The following POGLUT2 variants were observed in gnomAD, a reference collection of about 807,000 sequenced individuals.
POGLUT2 encodes the protein ER protein 58.
In POGLUT2, 47 loss-of-function variants were observed where a neutral mutation model predicts 57.6. That is an observed-to-expected ratio of 0.82 (90% CI 0.65 to 1.04). The LOEUF is 1.04. POGLUT2 is among the 50% of genes least tolerant of loss of function. The pLI is 0.00. For missense variants in POGLUT2, 565 were observed against 614.8 expected (o/e 0.92, Z 0.86); for synonymous variants, 200 against 218.8 (o/e 0.91, Z 0.76).
intron 3 of POGLUT2, 27 bp downstream of exon 3, chr13:102,793,568 TAAAACA>T: frequency 6.3e-7 from 1 of 1,578,522 alleles, no homozygotes. Context: ...AAAAAATCAC[TAAAACA>T]AACAAGCAAA....
rs1429339959 is a variant in POGLUT2, at chr13:102,793,482, AG to A, written c.595-65del. On this transcript the variant is annotated intron_variant, in intron 3 of 9. Coordinates refer to ENST00000376004, the MANE Select transcript of POGLUT2 (RefSeq NM_024089.3). ...ACGCTGGCAGACTTCACTGAGGAAA[AG>A]CTTGTCACAGTGCTCATTCGAATGA... 6.9e-6 allele frequency: 9 copies of A among 1,298,112 alleles called. No homozygotes were observed. The African/African-American group carries it at 1.0e-4, about 15-fold the overall frequency. 80.4% of individuals were successfully genotyped at this position (1,298,112 alleles called of 1,614,324 possible).
Position 102,789,229 on chromosome 13 carries a change from A to G in POGLUT2, c.1084-8T>C. The G allele has an allele frequency of 2.5e-6, 4 of 1,609,842 alleles. No homozygotes were observed. Among genetic ancestry groups the G allele is most frequent in the Non-Finnish European group, 3.4e-6 (4 of 1,176,146 alleles). On this transcript the variant is annotated splice_region_variant and splice_polypyrimidine_tract_variant and intron_variant, in intron 6 of 9. Transcript: ENST00000376004. ...ATTTATTTGATACTTATGCTGCAAA[A>G]CAATGGTAAAGTCTAAGAACCTCTA...
intron 9 of POGLUT2, among the ~76,000 whole-genome samples, chr13:102,785,909 G>C (rs1438850438): frequency 6.6e-6 from 1 of 152,200 alleles, no homozygotes; most frequent in Non-Finnish European, 1.5e-5. Flanking sequence ...GAGGAGATGA[G>C]GGCATCAGAT....
Position 102,790,900 on chromosome 13 carries a change from C to T in POGLUT2, c.1083+1G>A. 3 of 1,558,976 alleles carry T rather than the reference C, an allele frequency of 1.9e-6. No individual in the cohort carries two copies. The highest frequency in any genetic ancestry group is 2.7e-6 in the Non-Finnish European group (3 of 1,129,906). On this transcript the variant is annotated splice_donor_variant, in intron 6 of 9. Transcript: ENST00000376004. LOFTEE classifies it high-confidence loss of function. ...AAGATTAGCTACTGATTAAGTCATACCTTGAAGAAATCAAAAAATGAAATA... is the reference window on the plus strand; with the variant it reads ...AAGATTAGCTACTGATTAAGTCATATCTTGAAGAAATCAAAAAATGAAATA...
chr13:102,796,301 A>T (rs1362867466), intron 2 of POGLUT2, among the ~76,000 whole-genome samples: 25 of 140,162 alleles, frequency 1.8e-4, no homozygotes, highest in African/African-American at 5.0e-4. Flanking sequence ...CTCAAAAAAA[A>T]AAAAAAAAAA....
At chr13:102,791,713 T>A (rs1170016719) in intron 4 of POGLUT2, among the ~76,000 whole-genome samples, 1 of 152,082 alleles carries the variant, frequency 6.6e-6, no homozygotes, top group Admixed American at 6.6e-5. Context: ...TATTGGAAAA[T>A]AATTTAAAAA....
Position 102,786,245 on chromosome 13 carries a change from C to T in POGLUT2, c.1478G>A (p.Cys493Tyr). The T allele has an allele frequency of 1.2e-6, 2 of 1,610,640 alleles. No individual in the cohort carries two copies. The highest frequency in any genetic ancestry group is 1.7e-6 in the Non-Finnish European group (2 of 1,176,880). The change falls in exon 9 of 10, where the codon TGC becomes TAC. Residue 493 changes from cysteine to tyrosine, a missense_variant. Cys to Tyr is a radical substitution (Grantham distance 194). Coordinates refer to ENST00000376004, the MANE Select transcript of POGLUT2 (RefSeq NM_024089.3). ...QTEDDLFPCT[C>Y]HRKKTKDEL ...AGTTCTGGTTACCTTTTTCCTATGG[C>T]AAGTACAAGGGAAGAGGTCGTCCTC... is the stretch of plus-strand genomic sequence containing the variant.
chr13:102,784,674 A>C (rs556095791), intron 9 of POGLUT2, among the ~76,000 whole-genome samples, 162 bp from the exon 10 acceptor site: 1 of 152,338 alleles, frequency 6.6e-6, no homozygotes, highest in South Asian at 2.1e-4. Context: ...GAGTCAGCTA[A>C]GGGTAAAATC....
In POGLUT2 at chr13:102,798,929, T is replaced by C. The variant is rs1878566385; in HGVS notation, c.-259A>G. 6.7e-6 allele frequency: 3 copies of C among 450,186 alleles called. No individual in the cohort carries two copies. The South Asian group carries it at 1.5e-4, about 23-fold the overall frequency. The allele number at this position is 450,186 out of a possible 1,614,324, so 27.9% of individuals were successfully genotyped here. A position where few individuals can be genotyped will look rare whatever the true frequency, so the allele number is the denominator to read the frequency against. On this transcript the variant is annotated 5_prime_UTR_variant, in exon 1 of 10. Coordinates refer to ENST00000376004, the MANE Select transcript of POGLUT2 (RefSeq NM_024089.3). Reference sequence around the variant, plus strand: ...CCGAGAACCGCGCTGCTCCTCTCTCTCAGGACAATGATGAACTTGAGTTGC... The same window carrying C: ...CCGAGAACCGCGCTGCTCCTCTCTCCCAGGACAATGATGAACTTGAGTTGC...
At position 102,793,338 on chromosome 13, in the gene POGLUT2, T is replaced by C; in HGVS notation, c.672+3A>G. On this transcript the variant is annotated splice_donor_region_variant and intron_variant, in intron 4 of 9. Coordinates refer to ENST00000376004, the MANE Select transcript of POGLUT2 (RefSeq NM_024089.3). Reference sequence around the variant, plus strand: ...TTACAGCTAAGAGAAAATATATACTTACCTTTCTAGTCAAAGAAAGTAGTA... The same window carrying C: ...TTACAGCTAAGAGAAAATATATACTCACCTTTCTAGTCAAAGAAAGTAGTA... 1.4e-6 allele frequency: 2 copies of C among 1,466,278 alleles called. No individual in the cohort carries two copies. Among genetic ancestry groups the C allele is most frequent in the Non-Finnish European group, 1.9e-6 (2 of 1,049,312 alleles). 90.8% of individuals were successfully genotyped at this position (1,466,278 alleles called of 1,614,324 possible).
chr13:102,795,062 G>T (rs1351138328), intron 2 of POGLUT2, among the ~76,000 whole-genome samples: 2 of 150,910 alleles, frequency 1.3e-5, no homozygotes, highest in African/African-American at 2.4e-5. Flanking sequence ...GACCATCCTG[G>T]TCAACATGGT....
intron 1 of POGLUT2, 35 bp downstream of exon 1, chr13:102,798,454 A>T: frequency 6.6e-7 from 1 of 1,508,272 alleles, no homozygotes; most frequent in Admixed American, 2.2e-5. Context: ...TTTAACCGCC[A>T]TCCAAAATAG....
intron 9 of POGLUT2, among the ~76,000 whole-genome samples, chr13:102,785,451 T>TACACACACACAC (rs56102018): frequency 2.0e-5 from 3 of 148,592 alleles, no homozygotes; most frequent in African/African-American, 7.5e-5. Flanking sequence ...CAGCATATGT[T>TACACACACACAC]ACACACACAC....
At chr13:102,792,187 G>C (rs1008351471) in intron 4 of POGLUT2, 1 of 840,320 alleles carries the variant, frequency 1.2e-6, no homozygotes, top group Non-Finnish European at 1.4e-6. Context: ...TGAAAAAAAG[G>C]CATTATGATT....
chr13:102,795,123 G>A (rs929901391), intron 2 of POGLUT2, among the ~76,000 whole-genome samples: 9 of 151,554 alleles, frequency 5.9e-5, no homozygotes, highest in Non-Finnish European at 1.2e-4. Context: ...GTTGTGGCGC[G>A]TCCCTGTAGT....
chr13:102,798,761 G>T lies in POGLUT2; in HGVS notation c.-91C>A, dbSNP rs1878555102. On this transcript the variant is annotated 5_prime_UTR_variant, in exon 1 of 10. Coordinates refer to ENST00000376004, the MANE Select transcript of POGLUT2 (RefSeq NM_024089.3). ...GCCGAGCCTTCGGCAGGGACCCGCC[G>T]GCCGATCGCAGCAGCCAACGCGACT... is the stretch of plus-strand genomic sequence containing the variant. 3 of 1,322,572 alleles carry T rather than the reference G, an allele frequency of 2.3e-6. No individual in the cohort carries two copies. The highest frequency in any genetic ancestry group is 2.0e-6 in the Non-Finnish European group (2 of 991,790). 81.9% of individuals were successfully genotyped at this position (1,322,572 alleles called of 1,614,324 possible). A position where few individuals can be genotyped will look rare whatever the true frequency, so the allele number is the denominator to read the frequency against.
intron 9 of POGLUT2, among the ~76,000 whole-genome samples, chr13:102,785,585 C>T (rs1877910252): frequency 1.3e-5 from 2 of 152,178 alleles, no homozygotes; most frequent in Admixed American, 1.3e-4. Context: ...TACAAGCACA[C>T]ACAATCACAA....
chr13:102,789,963 C>T lies in POGLUT2; in HGVS notation c.1084-742G>A, dbSNP rs79830888. Among the ~76,000 whole-genome samples, 678 of 152,250 alleles carry T rather than the reference C, an allele frequency of 4.5e-3. 9 individuals carry two copies. The highest frequency in any genetic ancestry group is 0.016 in the African/African-American group (647 of 41,518). On this transcript the variant is annotated intron_variant, in intron 6 of 9. Coordinates refer to ENST00000376004, the MANE Select transcript of POGLUT2 (RefSeq NM_024089.3). ...ATTAGCAAGCTCTGGAGCAAGAACA[C>T]CTATGAATAAAAATATTCATAGAAC...
In POGLUT2 at chr13:102,786,273, T is replaced by C; in HGVS notation, c.1450A>G (p.Thr484Ala). The change falls in exon 9 of 10, where the codon ACT becomes GCT. Residue 484 changes from threonine to alanine, a missense_variant. Thr to Ala is a moderately conservative substitution (Grantham distance 58). Coordinates refer to ENST00000376004, the MANE Select transcript of POGLUT2 (RefSeq NM_024089.3). ...GTACAAGGGAAGAGGTCGTCCTCAG[T>C]CTGTGGTTCTACCCTTTTCATGCCC... ...REGMKRVEPQ[T>A]EDDLFPCTCH... 2 of 1,614,052 alleles carry C rather than the reference T, an allele frequency of 1.2e-6. No individual in the cohort carries two copies. Among genetic ancestry groups the C allele is most frequent in the Non-Finnish European group, 1.7e-6 (2 of 1,179,894 alleles).
Sources: gnomAD v4.1 joint callset for allele counts (sites outside exome capture counted in the v4.1 genomes callset) on GRCh38, gnomAD v4.1.1 for gene constraint, MANE v1.5 for transcripts, NCBI Gene and HGNC (gene_info 2026-07-23, HGNC 2026-07-21) for gene names.